ROBO2: variants seen among roughly 807,000 people sequenced by gnomAD.
The protein encoded by ROBO2 is roundabout guidance receptor 2.
In ROBO2, 53 loss-of-function variants were observed where a neutral mutation model predicts 160.8. The ratio of observed to expected loss-of-function variants is 0.33; its 90% CI spans 0.26 to 0.41. The LOEUF (loss-of-function observed/expected upper bound fraction) is 0.41, where lower values mean the gene tolerates loss of function less well. Ranked by LOEUF, ROBO2 falls within the 10% of genes least tolerant of loss-of-function variation. The pLI, the probability that ROBO2 is intolerant of heterozygous loss-of-function variation, is 1.00. For synonymous variants in ROBO2, 664 were observed against 611.7 expected, an observed-to-expected ratio of 1.09 and a Z score of -1.26; for missense variants, 1,577 against 1,722.4, an observed-to-expected ratio of 0.92 and a Z score of 1.49.
At chr3:77,152,743 C>T (rs2077651696) in intron 2 of ROBO2, among the ~76,000 whole-genome samples, 1 of 152,202 alleles carries the variant, frequency 6.6e-6, no homozygotes. Context: ...CTGCCTATGA[C>T]ATAGATTCTT....
chr3:76,672,054 C>T (rs2092281424), intron 2 of ROBO2, among the ~76,000 whole-genome samples: 2 of 151,718 alleles, frequency 1.3e-5, no homozygotes, highest in Admixed American at 1.3e-4. Context: ...AATAAGTGAC[C>T]CTAAAAACAT....
At chr3:77,390,341 C>T (rs2074590859) in intron 2 of ROBO2, among the ~76,000 whole-genome samples, 1 of 152,108 alleles carries the variant, frequency 6.6e-6, no homozygotes, top group South Asian at 2.1e-4. Flanking sequence ...GGCTGTGTCC[C>T]CAACCAAATC....
intron 2 of ROBO2, among the ~76,000 whole-genome samples, chr3:75,976,190 C>A (rs2065129004): frequency 6.6e-6 from 1 of 151,540 alleles, no homozygotes; most frequent in South Asian, 2.1e-4. Flanking sequence ...TGTGACTATG[C>A]ATATACTATG....
chr3:76,909,129 A>C (rs992785592), intron 2 of ROBO2, among the ~76,000 whole-genome samples: 1 of 152,198 alleles, frequency 6.6e-6, no homozygotes, highest in African/African-American at 2.4e-5. Flanking sequence ...CTGGAGGCTA[A>C]GGCAGGAGCA....
At chr3:76,273,592 G>A (rs1468789740) in intron 2 of ROBO2, among the ~76,000 whole-genome samples, 3 of 152,048 alleles carry the variant, frequency 2.0e-5, no homozygotes, top group Non-Finnish European at 2.9e-5. Context: ...GAGAAGTGCC[G>A]AGCAAAAGTG....
intron 2 of ROBO2, among the ~76,000 whole-genome samples, chr3:76,689,967 T>G (rs182419871): frequency 5.3e-5 from 8 of 152,260 alleles, no homozygotes; most frequent in Admixed American, 1.3e-4. Context: ...CCTTGAGAAT[T>G]AACCTGGTCG....
intron 2 of ROBO2, among the ~76,000 whole-genome samples, chr3:76,722,224 C>T (rs1239676001): frequency 1.3e-5 from 2 of 151,964 alleles, no homozygotes; most frequent in Non-Finnish European, 2.9e-5. Flanking sequence ...TGTTTCACGC[C>T]GTTCTTCTGC....
chr3:75,978,099 A>C (rs1200307097), intron 2 of ROBO2, among the ~76,000 whole-genome samples: 1 of 151,590 alleles, frequency 6.6e-6, no homozygotes, highest in Non-Finnish European at 1.5e-5. Context: ...AATCAGCGAT[A>C]GTAGTTTTCA....
At position 76,961,247 on chromosome 3, in the gene ROBO2, G is replaced by GAAAA. The variant is rs371889909; in HGVS notation, c.110-136749_110-136746dup. On this transcript the variant is annotated intron_variant, in intron 2 of 26. Transcript: ENST00000487694. ...ATTTGCTATGCTAATGTGCCACAGA[G>GAAAA]AAAAAAAAAAAAAAAAAAAAACACT... Among the ~76,000 whole-genome samples, 346 of 54,308 alleles carry GAAAA rather than the reference G, an allele frequency of 6.4e-3. 4 individuals carry two copies. The highest frequency in any genetic ancestry group is 0.016 in the African/African-American group (286 of 18,448). 35.6% of individuals were successfully genotyped at this position (54,308 alleles called of 152,430 possible).
At chr3:76,302,338 C>A (rs1162216915) in intron 2 of ROBO2, among the ~76,000 whole-genome samples, 3 of 151,982 alleles carry the variant, frequency 2.0e-5, no homozygotes, top group African/African-American at 7.3e-5. Context: ...TTGTTTATTT[C>A]TAAATAGTAA....
At chr3:77,575,055 A>G (rs2093726687) in intron 14 of ROBO2, among the ~76,000 whole-genome samples, 1 of 152,104 alleles carries the variant, frequency 6.6e-6, no homozygotes, top group Admixed American at 6.6e-5. Context: ...TGGAAATTTG[A>G]GAACACAGGC....
chr3:77,527,406 G>A (rs527854954), intron 6 of ROBO2: 20 of 1,287,444 alleles, frequency 1.6e-5, no homozygotes, highest in Admixed American at 6.9e-5. Context: ...TCTACAGCTC[G>A]CCCTGTTGGT....
At chr3:76,388,535 T>C (rs2077002313) in intron 2 of ROBO2, among the ~76,000 whole-genome samples, 1 of 152,156 alleles carries the variant, frequency 6.6e-6, no homozygotes, top group South Asian at 2.1e-4. Context: ...CCTCTCAAAG[T>C]GCTGGGATTA....
Position 77,294,102 on chromosome 3 carries a change from A to T in ROBO2, c.389-183312A>T, listed in dbSNP as rs543237727. ...GACATAAAGTAAAATTGATGGTTAA[A>T]CGGGTAAGCTGAGGCTAGATCACCC... On this transcript the variant is annotated intron_variant, in intron 2 of 25. Transcript: ENST00000461745. Among the ~76,000 whole-genome samples the T allele has an allele frequency of 3.9e-4, 55 of 141,700 alleles. 6 individuals carry two copies. Among genetic ancestry groups the T allele is most frequent in the African/African-American group, 1.4e-3 (52 of 37,896 alleles). 93.0% of individuals were successfully genotyped at this position (141,700 alleles called of 152,430 possible).
At chr3:76,702,313 A>C (rs563364400) in intron 2 of ROBO2, among the ~76,000 whole-genome samples, 2 of 152,234 alleles carry the variant, frequency 1.3e-5, no homozygotes, top group South Asian at 4.1e-4. Flanking sequence ...TGCAATTAAA[A>C]TCTTTCTAAC....
chr3:77,197,974 C>T (rs2082461392), intron 2 of ROBO2, among the ~76,000 whole-genome samples: 1 of 152,118 alleles, frequency 6.6e-6, no homozygotes, highest in African/African-American at 2.4e-5. Flanking sequence ...TATTTGTACT[C>T]CAGGCCCTAG....
Position 76,401,257 on chromosome 3 carries a change from A to G in ROBO2, c.109+463655A>G, listed in dbSNP as rs548769024. Among the ~76,000 whole-genome samples, 6 of 151,490 alleles carry G rather than the reference A, an allele frequency of 4.0e-5. No homozygotes were observed. In the South Asian group the frequency reaches 1.2e-3, roughly 31 times the overall value. Reference sequence around the variant, plus strand: ...TTTTTTGAAACACCAAGATTTGGAGAATGTTGGCTATTGTAGTTTAACTAC... The same window carrying G: ...TTTTTTGAAACACCAAGATTTGGAGGATGTTGGCTATTGTAGTTTAACTAC... On this transcript the variant is annotated intron_variant, in intron 2 of 26. Transcript: ENST00000487694.
At chr3:77,174,475 T>TA (rs1480904316) in intron 2 of ROBO2, among the ~76,000 whole-genome samples, 1 of 152,190 alleles carries the variant, frequency 6.6e-6, no homozygotes, top group Middle Eastern at 3.4e-3. Flanking sequence ...TGGGGTTTTT[T>TA]AAAAATTTAT....
chr3:77,577,752 A>C, intron 15 of ROBO2, 138 bp downstream of exon 16: 1 of 1,099,652 alleles, frequency 9.1e-7, no homozygotes, highest in Non-Finnish European at 1.3e-6. Context: ...TCTGTGTGAC[A>C]GAGAATGAAA....
Sources: gnomAD v4.1 joint callset for allele counts (sites outside exome capture counted in the v4.1 genomes callset) on GRCh38, gnomAD v4.1.1 for gene constraint, MANE v1.5 for transcripts, NCBI Gene and HGNC (gene_info 2026-07-23, HGNC 2026-07-21) for gene names.